DCAF8L2: variants seen among roughly 807,000 people sequenced by gnomAD.
DCAF8L2 encodes the protein DDB1 and CUL4 associated factor 8 like 2, also known as DDB1- and CUL4-associated factor 8-like protein 2.
For missense variants in DCAF8L2, 430 were observed against 490.7 expected (o/e 0.88, Z 1.17); for synonymous variants, 200 against 190.9 (o/e 1.05, Z -0.39).
At chrX:27,514,271 G>GTACATATATGTGTGCATATGTA in the DCAF8L2 span, among the ~76,000 whole-genome samples, 43 of 32,061 alleles carry the variant, frequency 1.3e-3, 1 homozygote, top group African/African-American at 2.5e-3. Flanking sequence ...GTGCATATGT[G>GTACATATATGTGTGCATATGTA]CACATATGTA....
At chrX:27,474,043 A>C in the DCAF8L2 span, among the ~76,000 whole-genome samples, 1 of 110,563 alleles carries the variant, frequency 9.0e-6, no homozygotes, top group Non-Finnish European at 1.9e-5. Flanking sequence ...GTATTTTAAC[A>C]CCTAAAGCCT....
At chrX:27,588,116 C>T (rs1008021706), upstream of DCAF8L2, among the ~76,000 whole-genome samples, 2 of 106,789 alleles carry the variant, frequency 1.9e-5, no homozygotes, top group Non-Finnish European at 3.8e-5. Flanking sequence ...ATCCCGTCAC[C>T]CAGGTAGCGA....
intron 2 of DCAF8L2, among the ~76,000 whole-genome samples, chrX:27,645,570 A>G (rs1174781912): frequency 1.8e-5 from 2 of 111,964 alleles, no homozygotes; most frequent in Admixed American, 9.5e-5. Flanking sequence ...GGCCAAGGCA[A>G]TCACTCAAAA....
At chrX:27,559,962 T>A in the DCAF8L2 span, among the ~76,000 whole-genome samples, 1 of 34,591 alleles carries the variant, frequency 2.9e-5, no homozygotes, top group African/African-American at 1.5e-4. Flanking sequence ...AACTTCTCTT[T>A]CCACGTTAAA....
intron 2 of DCAF8L2, among the ~76,000 whole-genome samples, chrX:27,674,785 AAAG>A (rs1930085156): frequency 8.9e-6 from 1 of 111,760 alleles, no homozygotes; most frequent in Non-Finnish European, 1.9e-5. Flanking sequence ...TAGAAAGGTC[AAAG>A]AAGATTTATC....
chrX:27,616,148 G>T (rs1330907468), intron 1 of DCAF8L2, among the ~76,000 whole-genome samples: 1 of 110,692 alleles, frequency 9.0e-6, no homozygotes, highest in Non-Finnish European at 1.9e-5. Flanking sequence ...TAAAAAAATA[G>T]ATATGAAATT....
intron 1 of DCAF8L2, among the ~76,000 whole-genome samples, chrX:27,613,983 A>G (rs1048317296): frequency 6.3e-5 from 7 of 110,865 alleles, no homozygotes; most frequent in African/African-American, 2.3e-4. Context: ...AGTTAGGGAG[A>G]ATTACCTCTT....
upstream of DCAF8L2, among the ~76,000 whole-genome samples, chrX:27,587,011 G>A (rs762925926): frequency 1.8e-5 from 2 of 109,412 alleles, no homozygotes; most frequent in South Asian, 3.8e-4. Flanking sequence ...TATCTTTTCC[G>A]AAACCTAATT....
chrX:27,546,993 G>A, the DCAF8L2 span, among the ~76,000 whole-genome samples: 1 of 112,067 alleles, frequency 8.9e-6, no homozygotes, highest in Non-Finnish European at 1.9e-5. Context: ...CCAGAAAATG[G>A]GTTTTTCTTT....
At chrX:27,545,804 A>G in the DCAF8L2 span, among the ~76,000 whole-genome samples, 1 of 111,994 alleles carries the variant, frequency 8.9e-6, no homozygotes, top group Non-Finnish European at 1.9e-5. Flanking sequence ...AGCACATCTT[A>G]TATGGGAGCA....
At chrX:27,514,742 A>G in the DCAF8L2 span, among the ~76,000 whole-genome samples, 1 of 108,850 alleles carries the variant, frequency 9.2e-6, no homozygotes. Flanking sequence ...GGCAACACAA[A>G]TGAACAATGG....
chrX:27,683,967 A>G (rs114963976), intron 3 of DCAF8L2, among the ~76,000 whole-genome samples: 2,905 of 112,572 alleles, frequency 0.026, 88 homozygotes, highest in African/African-American at 0.088. Context: ...GGATACACCT[A>G]TAGTGGAGAC....
chrX:27,477,601 A>C, the DCAF8L2 span, among the ~76,000 whole-genome samples: 2 of 111,625 alleles, frequency 1.8e-5, no homozygotes, highest in Non-Finnish European at 3.8e-5. Flanking sequence ...TAGCTGCCTT[A>C]CTTGGACTTT....
intron 2 of DCAF8L2, among the ~76,000 whole-genome samples, chrX:27,665,637 A>G (rs977554251): frequency 5.4e-5 from 6 of 111,410 alleles, no homozygotes; most frequent in Admixed American, 4.8e-4. Flanking sequence ...TAAAATGAAG[A>G]GTCAATCAAC....
the DCAF8L2 span, among the ~76,000 whole-genome samples, chrX:27,579,663 A>G: frequency 1.2e-3 from 90 of 74,851 alleles, no homozygotes; most frequent in Non-Finnish European, 1.8e-3. Flanking sequence ...CACACACACA[A>G]ATATACCAAA....
At chrX:27,616,686 G>A (rs1417133056) in intron 1 of DCAF8L2, among the ~76,000 whole-genome samples, 4 of 111,114 alleles carry the variant, frequency 3.6e-5, no homozygotes, top group African/African-American at 1.3e-4. Context: ...AAGGCGGAAG[G>A]AATTGCTGCC....
At chrX:27,613,181 G>T (rs1345294442) in intron 1 of DCAF8L2, among the ~76,000 whole-genome samples, 2 of 111,074 alleles carry the variant, frequency 1.8e-5, no homozygotes, top group East Asian at 5.6e-4. Flanking sequence ...TTGTAAGTTG[G>T]ATTCCTAGGT....
At chrX:27,595,458 A>G (rs1055035921) in intron 1 of DCAF8L2, among the ~76,000 whole-genome samples, 1 of 111,724 alleles carries the variant, frequency 9.0e-6, no homozygotes, top group Non-Finnish European at 1.9e-5. Context: ...CCCCAGAGAT[A>G]TCTATGTTTC....
chrX:27,485,108 G>A, the DCAF8L2 span, among the ~76,000 whole-genome samples: 13 of 111,562 alleles, frequency 1.2e-4, no homozygotes, highest in Non-Finnish European at 2.1e-4. Flanking sequence ...TAATTACCAA[G>A]GCTTTTATGA....
Sources: allele counts gnomAD v4.1 joint callset (sites outside exome capture counted in the v4.1 genomes callset), GRCh38; gene constraint gnomAD v4.1.1; transcripts MANE v1.5; gene names NCBI Gene and HGNC (gene_info 2026-07-23, HGNC 2026-07-21).